CDH4: variants seen among roughly 807,000 people sequenced by gnomAD.
CDH4 encodes the protein cadherin-4.
CDH4 carries 33 observed loss-of-function variants against 86.0 expected under a neutral mutation model. The observed-to-expected ratio is 0.38, with a 90% CI of 0.29 to 0.51. The LOEUF (loss-of-function observed/expected upper bound fraction) is 0.51, where lower values mean the gene tolerates loss of function less well. Among genes scored for constraint, CDH4 ranks in the 20% least tolerant of loss-of-function variants. The pLI is 0.86. For missense variants in CDH4, 1,114 were observed against 1,307.4 expected (o/e 0.85, Z 2.28); for synonymous variants, 555 against 549.4 (o/e 1.01, Z -0.14).
chr20:61,511,200 A>G (rs1166699265), intron 2 of CDH4, among the ~76,000 whole-genome samples: 1 of 152,208 alleles, frequency 6.6e-6, no homozygotes, highest in Non-Finnish European at 1.5e-5. Flanking sequence ...CGTGTTATCC[A>G]TGGAGTAGCA....
At position 61,458,100 on chromosome 20, in the gene CDH4, T is replaced by A. The variant is rs530840735; in HGVS notation, c.169+203163T>A. Among the ~76,000 whole-genome samples, 6 of 150,402 alleles carry A rather than the reference T, an allele frequency of 4.0e-5. No homozygotes were observed. The South Asian group carries it at 1.3e-3, about 32-fold the overall frequency. ...GGTAGTCATATCATGGTGATGGTCA[T>A]GATGTTGATGACAGTGCTGATGGTG... is the stretch of plus-strand genomic sequence containing the variant. On this transcript the variant is annotated intron_variant, in intron 2 of 15. Transcript: ENST00000614565.
intron 3 of CDH4, among the ~76,000 whole-genome samples, chr20:61,746,802 T>G (rs190622536): frequency 1.3e-4 from 20 of 152,356 alleles, no homozygotes; most frequent in Middle Eastern, 6.8e-3. Flanking sequence ...GTTCCAGGCT[T>G]CACAGTCCTG....
chr20:61,632,691 C>A (rs1387816145), intron 2 of CDH4, among the ~76,000 whole-genome samples: 1 of 151,236 alleles, frequency 6.6e-6, no homozygotes, highest in African/African-American at 2.4e-5. Context: ...CCTCTCACTT[C>A]CCCCATGTAC....
In CDH4 at chr20:61,264,303, G is replaced by A. The variant is rs1296964397; in HGVS notation, c.169+9366G>A. Reference sequence around the variant, plus strand: ...CATTCAGTCCTACACATACCTCAGTGGTTCCTTCATTCAATCTTACACATA... The same window carrying A: ...CATTCAGTCCTACACATACCTCAGTAGTTCCTTCATTCAATCTTACACATA... On this transcript the variant is annotated intron_variant, in intron 2 of 15. Transcript: ENST00000614565. Among the ~76,000 whole-genome samples the A allele has an allele frequency of 5.3e-5, 8 of 152,204 alleles. No homozygotes were observed. In the South Asian group the frequency reaches 1.7e-3, roughly 32 times the overall value.
At chr20:61,422,219 G>A (rs1198605166) in intron 2 of CDH4, among the ~76,000 whole-genome samples, 2 of 151,956 alleles carry the variant, frequency 1.3e-5, no homozygotes, top group East Asian at 1.9e-4. Context: ...CTGAGGTCGG[G>A]AGTTCATGAC....
chr20:61,914,562 A>T (rs569989673), intron 9 of CDH4, among the ~76,000 whole-genome samples: 26 of 151,230 alleles, frequency 1.7e-4, no homozygotes, highest in African/African-American at 5.8e-4. Context: ...CAGCAGAATA[A>T]CCCTGGAATC....
intron 4 of CDH4, among the ~76,000 whole-genome samples, chr20:61,826,675 T>C (rs1179800727): frequency 6.6e-6 from 1 of 152,202 alleles, no homozygotes; most frequent in Non-Finnish European, 1.5e-5. Flanking sequence ...CTCGGGTGAA[T>C]TAAGTAAGTC....
intron 2 of CDH4, among the ~76,000 whole-genome samples, chr20:61,533,290 C>T (rs957711811): frequency 2.0e-5 from 3 of 152,146 alleles, no homozygotes; most frequent in Admixed American, 1.3e-4. Context: ...CGGCAGGCGG[C>T]TGGGCGAGCA....
intron 4 of CDH4, among the ~76,000 whole-genome samples, chr20:61,832,492 G>T (rs1194563647): frequency 6.6e-6 from 1 of 152,176 alleles, no homozygotes; most frequent in Admixed American, 6.5e-5. Flanking sequence ...AAGGAAACAG[G>T]TTTAATTGAC....
At chr20:61,771,749 A>G (rs956058481) in intron 3 of CDH4, among the ~76,000 whole-genome samples, 7 of 152,150 alleles carry the variant, frequency 4.6e-5, no homozygotes, top group Non-Finnish European at 7.4e-5. Context: ...GTAACTTTTA[A>G]TGATTATAAT....
intron 2 of CDH4, among the ~76,000 whole-genome samples, chr20:61,662,913 G>A (rs1600852282): frequency 1.3e-5 from 2 of 152,122 alleles, no homozygotes; most frequent in East Asian, 3.9e-4. Flanking sequence ...TCCAGCAGAG[G>A]ACTGTTAGCG....
In CDH4 at chr20:61,754,713, C is replaced by T. The variant is rs985292869; in HGVS notation, c.396+10924C>T. On this transcript the variant is annotated intron_variant, in intron 3 of 15. Coordinates refer to ENST00000614565, the MANE Select transcript of CDH4 (RefSeq NM_001794.5). This position sits in a 1 kb window ranked among gnomAD's most constrained non-coding sequence, Gnocchi z 4.7. ...CACACACAGTGCATGCCACACACAC[C>T]GCACACACACTGCACGCCCCGCACA... Among the ~76,000 whole-genome samples the T allele has an allele frequency of 1.3e-4, 20 of 148,880 alleles. No homozygotes were observed. Among genetic ancestry groups the T allele is most frequent in the Non-Finnish European group, 5.9e-5 (4 of 67,342 alleles).
intron 3 of CDH4, among the ~76,000 whole-genome samples, chr20:61,759,105 T>C (rs941689974): frequency 2.6e-5 from 4 of 152,202 alleles, no homozygotes; most frequent in African/African-American, 9.6e-5. Context: ...CACACGTCTA[T>C]ATACACACTT....
Position 61,266,804 on chromosome 20 carries a change from C to T in CDH4, c.169+11867C>T, listed in dbSNP as rs190583314. ...CTATCCCAGACCTACTGGAGGGTGC[C>T]GACAGTGGCCCACAAAGGATCCATC... is the stretch of plus-strand genomic sequence containing the variant. On this transcript the variant is annotated intron_variant, in intron 2 of 15. Coordinates refer to ENST00000614565, the MANE Select transcript of CDH4 (RefSeq NM_001794.5). Among the ~76,000 whole-genome samples, 6 of 152,148 alleles carry T rather than the reference C, an allele frequency of 3.9e-5. No homozygotes were observed. The East Asian group carries it at 7.8e-4, about 20-fold the overall frequency.
chr20:61,742,058 T>A (rs528194587), intron 2 of CDH4, among the ~76,000 whole-genome samples: 4 of 152,260 alleles, frequency 2.6e-5, no homozygotes, highest in Admixed American at 2.0e-4. Context: ...ACTAAGTTGT[T>A]GCTGATTTTA....
Position 61,736,291 on chromosome 20 carries a change from C to A in CDH4, c.170-7272C>A, listed in dbSNP as rs1416330970. 2.6e-5 allele frequency among the ~76,000 whole-genome samples: 4 copies of A among 152,190 alleles called. No individual in the cohort carries two copies. In the South Asian group the frequency reaches 8.3e-4, roughly 32 times the overall value. On this transcript the variant is annotated intron_variant, in intron 2 of 15. Transcript: ENST00000614565. ...CCTGGAATTCCTCCCTTCCTCTGCC[C>A]CAGGACCTTTGCAAGTGCCATCAGC...
At chr20:61,727,223 T>G (rs1214229690) in intron 2 of CDH4, among the ~76,000 whole-genome samples, 1 of 150,188 alleles carries the variant, frequency 6.7e-6, no homozygotes, top group Non-Finnish European at 1.5e-5. Flanking sequence ...GGAGCCATCA[T>G]CACCATTGAA....
rs373369426 is a variant in CDH4, at chr20:61,903,638, G to A, written c.1189-6784G>A. Among the ~76,000 whole-genome samples, 66 of 151,232 alleles carry A rather than the reference G, an allele frequency of 4.4e-4. 1 individual carries two copies. In the South Asian group the frequency reaches 0.012, roughly 27 times the overall value. ...CCATGAGCAATTGTTATTCATTCGCGGATGTATAATTCCCCATTCCAAACA... is the reference window on the plus strand; with the variant it reads ...CCATGAGCAATTGTTATTCATTCGCAGATGTATAATTCCCCATTCCAAACA... On this transcript the variant is annotated intron_variant, in intron 8 of 15. Coordinates refer to ENST00000614565, the MANE Select transcript of CDH4 (RefSeq NM_001794.5).
intron 2 of CDH4, among the ~76,000 whole-genome samples, chr20:61,342,874 C>T (rs145662109): frequency 1.6e-4 from 25 of 152,330 alleles, no homozygotes; most frequent in South Asian, 6.2e-4. Context: ...AAGTTCTGTG[C>T]GGCGATTATA....
Sources: allele counts gnomAD v4.1 joint callset (sites outside exome capture counted in the v4.1 genomes callset), GRCh38; gene constraint gnomAD v4.1.1; non-coding constraint Gnocchi (gnomAD v3.1); transcripts MANE v1.5; gene names NCBI Gene and HGNC (gene_info 2026-07-23, HGNC 2026-07-21).